The following GRIN2B variants were observed in gnomAD, a reference collection of about 807,000 sequenced individuals.
GRIN2B encodes the protein glutamate receptor ionotropic, NMDA 2B.
GRIN2B carries 5 observed loss-of-function variants against 114.5 expected under a neutral mutation model. The observed-to-expected ratio is 0.04, with a 90% CI of 0.02 to 0.09. GRIN2B has a LOEUF of 0.09. Ranked by LOEUF, GRIN2B falls within the 10% of genes least tolerant of loss-of-function variation. The pLI, the probability that GRIN2B is intolerant of heterozygous loss-of-function variation, is 1.00. For missense variants in GRIN2B, 1,108 were observed against 1,943.5 expected, an observed-to-expected ratio of 0.57 and a Z score of 8.08; for synonymous variants, 787 against 745.1, an observed-to-expected ratio of 1.06 and a Z score of -0.92.
At chr12:13,885,402 A>G (rs1471186698) in intron 2 of GRIN2B, among the ~76,000 whole-genome samples, 1 of 152,210 alleles carries the variant, frequency 6.6e-6, no homozygotes, top group African/African-American at 2.4e-5. Context: ...GTGCAAGTAT[A>G]CATTCCTAAG....
intron 10 of GRIN2B, among the ~76,000 whole-genome samples, chr12:13,586,326 A>G (rs1948925010): frequency 2.0e-5 from 3 of 152,230 alleles, no homozygotes; most frequent in Admixed American, 2.0e-4. Flanking sequence ...TCTTTATATA[A>G]GCTTTCTTTG....
At chr12:13,610,998 G>T (rs1457538896) in intron 9 of GRIN2B, among the ~76,000 whole-genome samples, 1 of 152,156 alleles carries the variant, frequency 6.6e-6, no homozygotes, top group African/African-American at 2.4e-5. Context: ...TAATCCTGGG[G>T]TTCTCAGGAA....
At chr12:13,818,821 C>A (rs1400739517) in intron 3 of GRIN2B, among the ~76,000 whole-genome samples, 2 of 152,144 alleles carry the variant, frequency 1.3e-5, no homozygotes, top group African/African-American at 4.8e-5. Flanking sequence ...ATGTTGACGG[C>A]CTTTTGTGGC....
chr12:13,562,267 T>C lies in GRIN2B; in HGVS notation c.*516A>G, dbSNP rs1948555166. On this transcript the variant is annotated 3_prime_UTR_variant, in exon 14 of 14. Coordinates refer to ENST00000609686, the MANE Select transcript of GRIN2B (RefSeq NM_000834.5). ...GCTTGGCACATGATTCCTAGACAGA[T>C]GTCATCTAAGCAGCATGAATTTAGC... 6.3e-6 allele frequency: 1 copy of C among 158,522 alleles called. No individual in the cohort carries two copies. Among genetic ancestry groups the C allele is most frequent in the Non-Finnish European group, 1.4e-5 (1 of 71,750 alleles). The allele number at this position is 158,522 out of a possible 1,614,324, so 9.8% of individuals were successfully genotyped here.
intron 2 of GRIN2B, among the ~76,000 whole-genome samples, chr12:13,869,591 CT>C (rs886472915): frequency 6.6e-6 from 1 of 152,120 alleles, no homozygotes; most frequent in Non-Finnish European, 1.5e-5. Context: ...TCATACTTTC[CT>C]TTTATTACAA....
chr12:13,633,536 C>T (rs1949635789), intron 5 of GRIN2B, among the ~76,000 whole-genome samples: 1 of 152,186 alleles, frequency 6.6e-6, no homozygotes, highest in Admixed American at 6.5e-5. Context: ...AACTCATCCC[C>T]TTCTACAACA....
At chr12:13,963,649 A>G (rs575377654) in intron 2 of GRIN2B, among the ~76,000 whole-genome samples, 19 of 152,228 alleles carry the variant, frequency 1.2e-4, no homozygotes, top group African/African-American at 4.6e-4. Flanking sequence ...GCCCTACCCA[A>G]AGTCACTCGG....
chr12:13,806,886 T>A (rs1343707822), intron 3 of GRIN2B, among the ~76,000 whole-genome samples: 1 of 152,198 alleles, frequency 6.6e-6, no homozygotes, highest in African/African-American at 2.4e-5. Flanking sequence ...TCCATTTGAT[T>A]TGATTTTTAT....
Position 13,562,868 on chromosome 12 carries a change from G to C in GRIN2B, c.4370C>G (p.Pro1457Arg). The change falls in exon 14 of 14, where the codon CCT becomes CGT. Residue 1457 changes from proline (P) to arginine (R), a missense_variant. By Grantham distance (103) the Pro-to-Arg change is moderately radical (BLOSUM62 -2). This residue lies in a region of GRIN2B where 478 missense variants were observed against 506.0 expected (regional missense o/e 0.94). Transcript: ENST00000609686. ...CIGNQSNPCVPNNKNPRAFNG... is the reference protein window; with the variant it reads ...CIGNQSNPCVRNNKNPRAFNG... ...GAAAGCCCTGGGGTTTTTGTTGTTA[G>C]GCACACAGGGGTTGGACTGGTTCCC... The C allele has an allele frequency of 6.2e-7, 1 of 1,614,086 alleles. No homozygotes were observed. Among genetic ancestry groups the C allele is most frequent in the East Asian group, 2.2e-5 (1 of 44,876 alleles).
chr12:13,664,539 C>CA (rs1170263671), intron 5 of GRIN2B, among the ~76,000 whole-genome samples: 2 of 151,890 alleles, frequency 1.3e-5, no homozygotes, highest in African/African-American at 4.8e-5. Flanking sequence ...ATTATTTAAA[C>CA]AAAAAAATAC....
At position 13,746,046 on chromosome 12, in the gene GRIN2B, A is replaced by ATCAG. The variant is rs1224334519; in HGVS notation, c.1010+7270_1010+7271insCTGA. ...GAGACAAAAAAAATTTTTTAAATATAATTTATACAGTATATCAGATATGTG... is the reference window on the plus strand; with the variant it reads ...GAGACAAAAAAAATTTTTTAAATATATCAGATTTATACAGTATATCAGATATGTG... On this transcript the variant is annotated intron_variant, in intron 4 of 13. Coordinates refer to ENST00000609686, the MANE Select transcript of GRIN2B (RefSeq NM_000834.5). 1.5e-3 allele frequency among the ~76,000 whole-genome samples: 226 copies of ATCAG among 152,220 alleles called. 2 individuals are homozygous for ATCAG. The highest frequency in any genetic ancestry group is 5.3e-3 in the African/African-American group (219 of 41,552).
chr12:13,739,898 T>C (rs1477440744), intron 4 of GRIN2B, among the ~76,000 whole-genome samples: 1 of 152,178 alleles, frequency 6.6e-6, no homozygotes, highest in Non-Finnish European at 1.5e-5. Context: ...GGCAACACCA[T>C]GGTTCCTATT....
chr12:13,712,561 T>C (rs1950424195), intron 4 of GRIN2B, among the ~76,000 whole-genome samples: 1 of 151,830 alleles, frequency 6.6e-6, no homozygotes, highest in Non-Finnish European at 1.5e-5. Context: ...AAATGTTCCA[T>C]ATACTGATAG....
chr12:13,818,950 C>T (rs1258865925), intron 3 of GRIN2B, among the ~76,000 whole-genome samples: 1 of 152,224 alleles, frequency 6.6e-6, no homozygotes, highest in Non-Finnish European at 1.5e-5. Flanking sequence ...TACATTCACA[C>T]ATTTCCAACA....
chr12:13,812,116 G>A (rs1591746095), intron 3 of GRIN2B, among the ~76,000 whole-genome samples: 1 of 152,150 alleles, frequency 6.6e-6, no homozygotes, highest in African/African-American at 2.4e-5. Context: ...CACAGGCAGG[G>A]TTAAAGTTTT....
chr12:13,769,694 C>T (rs1863869855), intron 3 of GRIN2B, among the ~76,000 whole-genome samples: 1 of 152,206 alleles, frequency 6.6e-6, no homozygotes, highest in Admixed American at 6.5e-5. Context: ...CTAACAAAAC[C>T]ATATCGCCTT....
chr12:13,737,227 T>TTTGAGATG (rs1863201202), intron 4 of GRIN2B, among the ~76,000 whole-genome samples: 1 of 151,944 alleles, frequency 6.6e-6, no homozygotes, highest in African/African-American at 2.4e-5. Context: ...TTTTCTTTTT[T>TTTGAGATG]TTGAGATGGA....
At chr12:13,812,755 T>C (rs917577574) in intron 3 of GRIN2B, among the ~76,000 whole-genome samples, 2 of 152,132 alleles carry the variant, frequency 1.3e-5, no homozygotes, top group African/African-American at 4.8e-5. Flanking sequence ...GGGTGTTTAT[T>C]ATAGACACAA....
chr12:13,615,084 T>C lies in GRIN2B; in HGVS notation c.1654+30A>G, dbSNP rs369254480. 2.5e-6 allele frequency: 4 copies of C among 1,594,460 alleles called. No homozygotes were observed. Among genetic ancestry groups the C allele is most frequent in the Non-Finnish European group, 3.4e-6 (4 of 1,162,108 alleles). On this transcript the variant is annotated intron_variant, in intron 8 of 13. Transcript: ENST00000609686. The surrounding 1 kb of genome is among the most constrained non-coding windows in gnomAD (Gnocchi z 5.8). ...TTTCACTTCCCCATCCATACGTCCA[T>C]TTCCTTCCACCAGCAAACCCATCAT...
Sources: gnomAD v4.1 joint callset for allele counts (sites outside exome capture counted in the v4.1 genomes callset) on GRCh38, gnomAD v4.1.1 for gene constraint, gnomAD v4.1.1 regional missense constraint, Gnocchi (gnomAD v3.1) non-coding constraint, MANE v1.5 for transcripts, NCBI Gene and HGNC (gene_info 2026-07-23, HGNC 2026-07-21) for gene names.